GABRB3: variants seen among roughly 807,000 people sequenced by gnomAD.
GABRB3 encodes gamma-aminobutyric acid receptor subunit beta-3.
A neutral mutation model predicts 52.1 loss-of-function variants in GABRB3; 14 were observed. That is an observed-to-expected ratio of 0.27 (90% CI 0.18 to 0.42). The LOEUF (loss-of-function observed/expected upper bound fraction) is 0.42. GABRB3 is among the 10% of genes least tolerant of loss of function. The pLI is 1.00. For synonymous variants in GABRB3, 260 were observed against 232.3 expected (o/e 1.12, Z -1.08); for missense variants, 307 against 609.1 (o/e 0.50, Z 5.22).
At chr15:26,617,329 G>T (rs4906684) in intron 4 of GABRB3, among the ~76,000 whole-genome samples, 27,400 of 152,020 alleles carry the variant, frequency 0.18, 2,575 homozygotes, top group African/African-American at 0.26. Context: ...ATAAAGTGGG[G>T]TTCATCCCTG....
At chr15:26,722,799 G>A (rs1411234047) in intron 3 of GABRB3, among the ~76,000 whole-genome samples, 2 of 152,086 alleles carry the variant, frequency 1.3e-5, no homozygotes, top group Admixed American at 6.5e-5. Flanking sequence ...CACTGGATCC[G>A]AGGGCTGGGC....
chr15:26,568,097 G>A (rs961265685), intron 6 of GABRB3, among the ~76,000 whole-genome samples: 1 of 152,186 alleles, frequency 6.6e-6, no homozygotes, highest in Non-Finnish European at 1.5e-5. Flanking sequence ...GTGGCTCAAG[G>A]CTTTACTGGG....
chr15:26,674,106 C>T (rs901739334), intron 3 of GABRB3, among the ~76,000 whole-genome samples: 1 of 148,400 alleles, frequency 6.7e-6, no homozygotes, highest in African/African-American at 2.5e-5. Context: ...GTTTTAGAAA[C>T]CATGGGCAGA....
Position 26,575,206 on chromosome 15 carries a change from G to T in GABRB3, c.682+5113C>A, listed in dbSNP as rs188120555. On this transcript the variant is annotated intron_variant, in intron 6 of 8. Transcript: ENST00000311550. ...AGGCAATGAATTTCTGAAGAAGTCTGTCTTCTGTAATGAGACATGTTTCAT... is the reference window on the plus strand; with the variant it reads ...AGGCAATGAATTTCTGAAGAAGTCTTTCTTCTGTAATGAGACATGTTTCAT... Among the ~76,000 whole-genome samples, 73 of 152,328 alleles carry T rather than the reference G, an allele frequency of 4.8e-4. 1 individual carries two copies. The highest frequency in any genetic ancestry group is 1.7e-3 in the African/African-American group (69 of 41,574).
At chr15:26,559,356 C>A (rs1889891653) in intron 8 of GABRB3, among the ~76,000 whole-genome samples, 1 of 152,178 alleles carries the variant, frequency 6.6e-6, no homozygotes, top group Non-Finnish European at 1.5e-5. Flanking sequence ...GAAACCACCT[C>A]AAAAGCCGGG....
At chr15:26,647,268 T>C (rs1887042894) in intron 3 of GABRB3, among the ~76,000 whole-genome samples, 1 of 152,250 alleles carries the variant, frequency 6.6e-6, no homozygotes, top group African/African-American at 2.4e-5. Context: ...TTGTCAGTTA[T>C]ATGCTTTGCA....
At chr15:26,575,357 G>A (rs746387862) in intron 6 of GABRB3, among the ~76,000 whole-genome samples, 35 of 152,080 alleles carry the variant, frequency 2.3e-4, no homozygotes, top group African/African-American at 8.0e-4. Flanking sequence ...GATTGTAACC[G>A]GCTAGGAAGC....
At chr15:26,612,905 G>C (rs1892123027) in intron 4 of GABRB3, 1 of 152,100 alleles carries the variant, frequency 6.6e-6, no homozygotes, top group Admixed American at 6.6e-5. Context: ...CTTGAAGCTA[G>C]AAGTTTGAGA....
intron 3 of GABRB3, chr15:26,629,047 A>G (rs1259163490): frequency 1.3e-6 from 2 of 1,536,148 alleles, no homozygotes; most frequent in Non-Finnish European, 8.7e-7. Flanking sequence ...CTGAGGTCCC[A>G]AAGACTCCGA....
At chr15:26,625,589 A>ATTGGCTGTGGGGT in intron 3 of GABRB3, 1 of 398,902 alleles carries the variant, frequency 2.5e-6, no homozygotes, top group Non-Finnish European at 2.9e-6. Context: ...TTAAAGGAAT[A>ATTGGCTGTGGGGT]GCAGAGGGGA....
chr15:26,627,594 C>T (rs1892755766), intron 3 of GABRB3, among the ~76,000 whole-genome samples: 1 of 151,756 alleles, frequency 6.6e-6, no homozygotes, highest in Non-Finnish European at 1.5e-5. Context: ...TTGAGGGGTT[C>T]AAGTCATTGC....
intron 4 of GABRB3, among the ~76,000 whole-genome samples, chr15:26,618,051 G>A (rs1284195522): frequency 1.3e-5 from 2 of 152,134 alleles, no homozygotes; most frequent in Non-Finnish European, 2.9e-5. Flanking sequence ...CCATGCTCAT[G>A]GGCAGGAAGA....
At chr15:26,670,717 A>T (rs1057382157) in intron 3 of GABRB3, among the ~76,000 whole-genome samples, 2 of 152,176 alleles carry the variant, frequency 1.3e-5, no homozygotes, top group African/African-American at 4.8e-5. Flanking sequence ...ACTTTGAGCA[A>T]TTTGATGAGA....
At chr15:26,598,529 T>C (rs919581949) in intron 4 of GABRB3, among the ~76,000 whole-genome samples, 32 of 152,128 alleles carry the variant, frequency 2.1e-4, no homozygotes, top group African/African-American at 6.5e-4. Context: ...GCAGAACTGA[T>C]TGAAATCCAA....
intron 3 of GABRB3, among the ~76,000 whole-genome samples, chr15:26,758,942 A>G (rs1297769946): frequency 6.6e-6 from 1 of 152,202 alleles, no homozygotes; most frequent in African/African-American, 2.4e-5. Flanking sequence ...CTACAGCGGA[A>G]AAACCTAAGT....
intron 4 of GABRB3, among the ~76,000 whole-genome samples, chr15:26,585,427 A>G (rs1331198988): frequency 6.6e-6 from 1 of 152,118 alleles, no homozygotes; most frequent in African/African-American, 2.4e-5. Flanking sequence ...CCTAATCCAA[A>G]CACCTGTAAA....
intron 3 of GABRB3, among the ~76,000 whole-genome samples, chr15:26,626,434 A>C (rs1451367076): frequency 6.6e-6 from 1 of 152,174 alleles, no homozygotes; most frequent in East Asian, 1.9e-4. Context: ...ACCAGAAATG[A>C]TTAAGCTTAG....
chr15:26,761,543 A>T (rs1196733698), intron 3 of GABRB3, among the ~76,000 whole-genome samples: 2 of 152,032 alleles, frequency 1.3e-5, no homozygotes, highest in African/African-American at 2.4e-5. Context: ...TATATACTAT[A>T]CTATATATTC....
chr15:26,576,390 T>A (rs1239230633), intron 6 of GABRB3, among the ~76,000 whole-genome samples: 1 of 152,242 alleles, frequency 6.6e-6, no homozygotes, highest in African/African-American at 2.4e-5. Flanking sequence ...TAAATTTTCT[T>A]CTTTTTTACG....
Sources: allele counts gnomAD v4.1 joint callset (sites outside exome capture counted in the v4.1 genomes callset), GRCh38; gene constraint gnomAD v4.1.1; transcripts MANE v1.5; gene names NCBI Gene and HGNC (gene_info 2026-07-23, HGNC 2026-07-21).